Variants in NPR3 observed in about 807,000 individuals in gnomAD.
The protein encoded by NPR3 is atrial natriuretic peptide receptor 3.
In NPR3, 34 loss-of-function variants were observed where a neutral mutation model predicts 54.5. The ratio of observed to expected loss-of-function variants is 0.62; its 90% CI spans 0.47 to 0.83. The LOEUF (loss-of-function observed/expected upper bound fraction) is 0.83, where lower values mean the gene tolerates loss of function less well. Ranked by LOEUF, NPR3 falls within the 40% of genes least tolerant of loss-of-function variation. NPR3 has a pLI of 0.00. For missense variants in NPR3, 674 were observed against 720.8 expected (o/e 0.94, Z 0.74); for synonymous variants, 289 against 297.1 (o/e 0.97, Z 0.28).
chr5:32,751,396 A>T (rs926225990), intron 3 of NPR3, among the ~76,000 whole-genome samples: 1 of 152,228 alleles, frequency 6.6e-6, no homozygotes, highest in East Asian at 1.9e-4. Flanking sequence ...AGCAATCTCC[A>T]TTGTTGCAGA....
chr5:32,781,080 A>T (rs905521628), intron 5 of NPR3, among the ~76,000 whole-genome samples: 11 of 152,280 alleles, frequency 7.2e-5, no homozygotes, highest in African/African-American at 2.6e-4. Flanking sequence ...AAAATCAGTA[A>T]AGTGAAACTT....
chr5:32,707,668 A>G (rs1242660199), upstream of NPR3, among the ~76,000 whole-genome samples: 9 of 152,206 alleles, frequency 5.9e-5, no homozygotes, highest in African/African-American at 1.4e-4. Context: ...CTCGAATACA[A>G]CTTTAGGGCT....
chr5:32,713,491 C>T (rs1738377684), intron 1 of NPR3: 1 of 976,824 alleles, frequency 1.0e-6, no homozygotes, highest in South Asian at 4.7e-5. Context: ...GCCGATCCCT[C>T]CTCCCTCTAG....
intron 1 of NPR3, among the ~76,000 whole-genome samples, chr5:32,719,207 A>G (rs1259704170): frequency 1.3e-5 from 2 of 151,980 alleles, no homozygotes; most frequent in African/African-American, 2.4e-5. Flanking sequence ...TTTTCTAGGT[A>G]TTTTGCACAA....
chr5:32,753,658 T>C (rs995419286), intron 3 of NPR3, among the ~76,000 whole-genome samples: 1 of 124,992 alleles, frequency 8.0e-6, no homozygotes, highest in Non-Finnish European at 1.6e-5. Flanking sequence ...TTTAACTTGG[T>C]GAGGACCTCT....
At chr5:32,780,899 G>A in intron 5 of NPR3, 83 bp downstream of exon 5, 1 of 695,256 alleles carries the variant, frequency 1.4e-6, no homozygotes, top group Non-Finnish European at 2.6e-6. Context: ...TGGCCAAAGA[G>A]CTGTCTCCAA....
rs948770584 is a variant in NPR3, at chr5:32,790,832, A to T, written c.*4487A>T. ...AGCCAGATCTCATGAGTAAAAATCC[A>T]TTTTATAATAGCTCTGTGATATATC... On this transcript the variant is annotated 3_prime_UTR_variant, in exon 8 of 8. Coordinates refer to ENST00000265074, the MANE Select transcript of NPR3 (RefSeq NM_001204375.2). The T allele has an allele frequency of 6.0e-6, 1 of 167,044 alleles. No homozygotes were observed. Among genetic ancestry groups the T allele is most frequent in the Non-Finnish European group, 1.5e-5 (1 of 68,108 alleles). 10.3% of individuals were successfully genotyped at this position (167,044 alleles called of 1,614,324 possible).
chr5:32,721,543 G>T (rs547345823), intron 1 of NPR3, among the ~76,000 whole-genome samples: 84 of 152,300 alleles, frequency 5.5e-4, no homozygotes, highest in African/African-American at 1.9e-3. Flanking sequence ...CTTGGGAGGT[G>T]CTGAGGTGGG....
At chr5:32,768,091 G>A (rs1741571060) in intron 3 of NPR3, among the ~76,000 whole-genome samples, 1 of 152,096 alleles carries the variant, frequency 6.6e-6, no homozygotes, top group African/African-American at 2.4e-5. Context: ...CTCCTGTTGG[G>A]TTTTGGTTTA....
At chr5:32,773,704 G>T (rs1024955197) in intron 3 of NPR3, among the ~76,000 whole-genome samples, 1 of 151,988 alleles carries the variant, frequency 6.6e-6, no homozygotes, top group Non-Finnish European at 1.5e-5. Context: ...TTTGGTATTT[G>T]TACTGTATTC....
intron 2 of NPR3, among the ~76,000 whole-genome samples, chr5:32,737,314 A>AATGTGGTG (rs1166159324): frequency 6.6e-6 from 1 of 152,140 alleles, no homozygotes; most frequent in Non-Finnish European, 1.5e-5. Flanking sequence ...CTCTCTCTTG[A>AATGTGGTG]ATGTGGTGGA....
chr5:32,755,849 C>T (rs1161567034), intron 3 of NPR3, among the ~76,000 whole-genome samples: 10 of 152,084 alleles, frequency 6.6e-5, no homozygotes, highest in Admixed American at 2.6e-4. Context: ...TGAGAACATG[C>T]GGTGTTTGGT....
intron 3 of NPR3, among the ~76,000 whole-genome samples, chr5:32,762,931 C>T (rs974055047): frequency 5.9e-5 from 9 of 152,084 alleles, no homozygotes; most frequent in African/African-American, 2.2e-4. Context: ...AATGGTATTG[C>T]CTAGGTTTTC....
At chr5:32,707,120 T>C (rs1738017873), upstream of NPR3, among the ~76,000 whole-genome samples, 1 of 152,154 alleles carries the variant, frequency 6.6e-6, no homozygotes. Context: ...TATACGTTTT[T>C]CAGAAGTCTT....
At chr5:32,780,073 C>G (rs1742259409) in intron 4 of NPR3, among the ~76,000 whole-genome samples, 1 of 152,162 alleles carries the variant, frequency 6.6e-6, no homozygotes, top group Non-Finnish European at 1.5e-5. Flanking sequence ...CCAGGCTGCC[C>G]CTCTCTAGAG....
intron 3 of NPR3, among the ~76,000 whole-genome samples, chr5:32,754,471 A>T (rs1264961209): frequency 2.0e-5 from 3 of 152,154 alleles, no homozygotes; most frequent in African/African-American, 7.2e-5. Context: ...TAACAGTTTT[A>T]AGTGATATCC....
At chr5:32,777,837 A>G (rs1742139380) in intron 4 of NPR3, among the ~76,000 whole-genome samples, 1 of 152,212 alleles carries the variant, frequency 6.6e-6, no homozygotes, top group East Asian at 1.9e-4. Flanking sequence ...TTGAGGAGCT[A>G]GAATCCAATA....
At position 32,789,091 on chromosome 5, in the gene NPR3, T is replaced by G. The variant is rs1742775020; in HGVS notation, c.*2746T>G. 1 of 132,774 alleles carries G rather than the reference T, an allele frequency of 7.5e-6. No homozygotes were observed. Among genetic ancestry groups the G allele is most frequent in the Non-Finnish European group, 1.7e-5 (1 of 59,286 alleles). The allele number at this position is 132,774 out of a possible 1,614,324, so 8.2% of individuals were successfully genotyped here. The stretch of plus-strand genomic sequence containing the variant: ...GTCATATAGTAAAATAAATAGGGCT[T>G]TAGTTCTTAAGTAATTCTATAGGAT... On this transcript the variant is annotated 3_prime_UTR_variant, in exon 8 of 8. Transcript: ENST00000265074.
Position 32,712,243 on chromosome 5 carries a change from C to T in NPR3, c.467C>T (p.Ser156Leu). 1 of 1,612,622 alleles carries T rather than the reference C, an allele frequency of 6.2e-7. No individual in the cohort carries two copies. Among genetic ancestry groups the T allele is most frequent in the South Asian group, 1.1e-5 (1 of 91,052 alleles). ...LASHWDLPML[S>L]AGALAAGFQH... Reference sequence around the variant, plus strand: ...TCGCACTGGGACCTGCCCATGCTGTCGGCTGGGGCGCTGGCCGCTGGCTTC... The same window carrying T: ...TCGCACTGGGACCTGCCCATGCTGTTGGCTGGGGCGCTGGCCGCTGGCTTC... The change falls in exon 1 of 8, where the codon TCG becomes TTG. Residue 156 changes from serine (S) to leucine (L), a missense_variant. Coordinates refer to ENST00000265074, the MANE Select transcript of NPR3 (RefSeq NM_001204375.2).
Sources: allele counts gnomAD v4.1 joint callset (sites outside exome capture counted in the v4.1 genomes callset), GRCh38; gene constraint gnomAD v4.1.1; transcripts MANE v1.5; gene names NCBI Gene and HGNC (gene_info 2026-07-23, HGNC 2026-07-21).